The following COL4A1 variants were observed in gnomAD, a reference collection of about 807,000 sequenced individuals.
COL4A1 encodes collagen alpha-1(IV) chain.
In COL4A1, 40 loss-of-function variants were observed where a neutral mutation model predicts 216.6. That is an observed-to-expected ratio of 0.18 (90% CI 0.14 to 0.24). The LOEUF (loss-of-function observed/expected upper bound fraction) is 0.24. Ranked by LOEUF, COL4A1 falls within the 10% of genes least tolerant of loss-of-function variation. COL4A1 has a pLI of 1.00. For missense variants in COL4A1, 1,628 were observed against 2,196.8 expected (o/e 0.74, Z 5.18); for synonymous variants, 839 against 810.7 (o/e 1.03, Z -0.59).
At chr13:110,150,871 A>G (rs1287055917) in intron 51 of COL4A1, among the ~76,000 whole-genome samples, 3 of 152,180 alleles carry the variant, frequency 2.0e-5, no homozygotes, top group African/African-American at 4.8e-5. Flanking sequence ...CTTTACACAC[A>G]CAGTAAGTAT....
intron 51 of COL4A1, among the ~76,000 whole-genome samples, chr13:110,151,651 G>C (rs1173515170): frequency 6.6e-6 from 1 of 152,202 alleles, no homozygotes; most frequent in African/African-American, 2.4e-5. Flanking sequence ...GAAATGAACA[G>C]TAAGCAGCTG....
At chr13:110,286,057 T>C (rs1451606695) in intron 1 of COL4A1, among the ~76,000 whole-genome samples, 2 of 152,112 alleles carry the variant, frequency 1.3e-5, no homozygotes, top group East Asian at 1.9e-4. Context: ...CTCCCTGATA[T>C]GAGTGAGCTA....
At chr13:110,291,396 A>G (rs1401059878) in intron 1 of COL4A1, among the ~76,000 whole-genome samples, 1 of 152,030 alleles carries the variant, frequency 6.6e-6, no homozygotes, top group Non-Finnish European at 1.5e-5. Flanking sequence ...TGTCCACAGA[A>G]CTCATCTTCC....
At chr13:110,168,556 T>C (rs1260261769) in intron 43 of COL4A1, among the ~76,000 whole-genome samples, 1 of 152,242 alleles carries the variant, frequency 6.6e-6, no homozygotes, top group Non-Finnish European at 1.5e-5. Flanking sequence ...AAGCATTTCA[T>C]AACTTACTGA....
chr13:110,186,075 G>C (rs1305449121), intron 26 of COL4A1, among the ~76,000 whole-genome samples: 4 of 152,176 alleles, frequency 2.6e-5, no homozygotes, highest in Non-Finnish European at 5.9e-5. Flanking sequence ...GGTAAGGAGA[G>C]GAAAATGACT....
At chr13:110,169,918 A>AAGGAAGGAGGGAGGG (rs1555302252) in intron 42 of COL4A1, among the ~76,000 whole-genome samples, 156 bp from the exon 43 acceptor site, 2 of 142,424 alleles carry the variant, frequency 1.4e-5, no homozygotes, top group Non-Finnish European at 1.6e-5. Context: ...CAGGTCCAGG[A>AAGGAAGGAGGGAGGG]AGGAAGGAAG....
intron 1 of COL4A1, among the ~76,000 whole-genome samples, chr13:110,244,426 T>C (rs1441166358): frequency 6.6e-6 from 1 of 152,188 alleles, no homozygotes; most frequent in Non-Finnish European, 1.5e-5. Context: ...CTCCTAACAT[T>C]TTAAATCAAT....
chr13:110,231,465 G>A (rs566321153), intron 2 of COL4A1, among the ~76,000 whole-genome samples: 108 of 152,304 alleles, frequency 7.1e-4, no homozygotes, highest in African/African-American at 2.4e-3. Context: ...ATGACCGTTC[G>A]GTTTGCCCTT....
At chr13:110,263,301 C>T (rs1882899684) in intron 1 of COL4A1, among the ~76,000 whole-genome samples, 1 of 152,176 alleles carries the variant, frequency 6.6e-6, no homozygotes. Flanking sequence ...AGACAGAATA[C>T]AGCATGTAAT....
At chr13:110,179,134 C>G in intron 30 of COL4A1, 98 bp from the exon 31 acceptor site, 1 of 1,539,732 alleles carries the variant, frequency 6.5e-7, no homozygotes, top group East Asian at 2.2e-5. Context: ...AACGGAAAGC[C>G]ACGAGCTCTA....
chr13:110,270,550 T>C (rs1883207730), intron 1 of COL4A1, among the ~76,000 whole-genome samples: 2 of 152,198 alleles, frequency 1.3e-5, no homozygotes, highest in Admixed American at 6.5e-5. Flanking sequence ...GGGTTAATCA[T>C]TGTAGGGTCG....
intron 2 of COL4A1, among the ~76,000 whole-genome samples, chr13:110,215,628 C>T (rs1440305571): frequency 6.6e-6 from 1 of 151,734 alleles, no homozygotes; most frequent in Non-Finnish European, 1.5e-5. Context: ...TACTTTACAG[C>T]ATGTGGACTT....
At chr13:110,166,568 A>T (rs1358549320) in intron 44 of COL4A1, among the ~76,000 whole-genome samples, 2 of 152,204 alleles carry the variant, frequency 1.3e-5, no homozygotes, top group African/African-American at 4.8e-5. Context: ...ACAAATTTCC[A>T]ATTTATCTTC....
At chr13:110,295,179 T>C (rs190308076) in intron 1 of COL4A1, among the ~76,000 whole-genome samples, 5 of 152,250 alleles carry the variant, frequency 3.3e-5, no homozygotes, top group Admixed American at 2.0e-4. Context: ...TTAGACTCTT[T>C]AATGGATAAA....
At chr13:110,259,614 G>A (rs1882734327) in intron 1 of COL4A1, among the ~76,000 whole-genome samples, 1 of 152,158 alleles carries the variant, frequency 6.6e-6, no homozygotes, top group African/African-American at 2.4e-5. Flanking sequence ...ACTATGCTGA[G>A]CTTATTGTCC....
At chr13:110,214,279 A>G (rs555160559) in intron 2 of COL4A1, among the ~76,000 whole-genome samples, 1 of 152,176 alleles carries the variant, frequency 6.6e-6, no homozygotes, top group Non-Finnish European at 1.5e-5. Context: ...TAGTAGAGGC[A>G]GGGTTTCACC....
chr13:110,155,953 C>T (rs1876767217), intron 49 of COL4A1, among the ~76,000 whole-genome samples: 1 of 152,152 alleles, frequency 6.6e-6, no homozygotes, highest in Non-Finnish European at 1.5e-5. Context: ...GTAGTCCTGG[C>T]TACTGGGGAG....
At chr13:110,294,080 AG>A (rs1884181710) in intron 1 of COL4A1, among the ~76,000 whole-genome samples, 1 of 152,126 alleles carries the variant, frequency 6.6e-6, no homozygotes, top group Non-Finnish European at 1.5e-5. Flanking sequence ...AGGTTTGAGT[AG>A]GCGCTGAGCT....
At chr13:110,163,062 G>A (rs779639115) in intron 47 of COL4A1, among the ~76,000 whole-genome samples, 8 of 152,204 alleles carry the variant, frequency 5.3e-5, no homozygotes, top group South Asian at 4.1e-4. Context: ...CCGGACACTC[G>A]AGTGTGCCTT....
Sources: gnomAD v4.1 joint callset for allele counts (sites outside exome capture counted in the v4.1 genomes callset) on GRCh38, gnomAD v4.1.1 for gene constraint, MANE v1.5 for transcripts, NCBI Gene and HGNC (gene_info 2026-07-23, HGNC 2026-07-21) for gene names.